ABCD3: variants seen among roughly 807,000 people sequenced by gnomAD.
ABCD3 encodes the protein ATP binding cassette subfamily D member 3, also known as ATP-binding cassette sub-family D member 3.
ABCD3 carries 41 observed loss-of-function variants against 105.5 expected under a neutral mutation model. That is an observed-to-expected ratio of 0.39 (90% CI 0.30 to 0.50). The LOEUF (loss-of-function observed/expected upper bound fraction) is 0.50. Ranked by LOEUF, ABCD3 falls within the 20% of genes least tolerant of loss-of-function variation. ABCD3 has a pLI of 0.84. For missense variants in ABCD3, 622 were observed against 806.3 expected (o/e 0.77, Z 2.77); for synonymous variants, 258 against 269.0 (o/e 0.96, Z 0.40).
At chr1:94,470,993 T>G (rs1439566746) in intron 4 of ABCD3, among the ~76,000 whole-genome samples, 1 of 152,156 alleles carries the variant, frequency 6.6e-6, no homozygotes, top group Non-Finnish European at 1.5e-5. Context: ...GAGGCCTTCC[T>G]CAAGCATTCT....
intron 1 of ABCD3, among the ~76,000 whole-genome samples, chr1:94,450,528 G>C (rs1419152636): frequency 6.6e-6 from 1 of 152,232 alleles, no homozygotes; most frequent in East Asian, 1.9e-4. Flanking sequence ...GTGCCTTAAG[G>C]ACATGTTCCT....
At chr1:94,480,677 C>T (rs1488342330) in intron 9 of ABCD3, 71 bp downstream of exon 9, 1 of 1,535,038 alleles carries the variant, frequency 6.5e-7, no homozygotes, top group African/African-American at 1.4e-5. Flanking sequence ...TAAATTGACT[C>T]CAAAAAGTCT....
chr1:94,503,389 C>G (rs1048922136), intron 20 of ABCD3, among the ~76,000 whole-genome samples: 29 of 152,272 alleles, frequency 1.9e-4, no homozygotes, highest in Middle Eastern at 3.4e-3. Flanking sequence ...CTCCCTACTT[C>G]CGCTGTCTTG....
intron 21 of ABCD3, among the ~76,000 whole-genome samples, chr1:94,509,833 T>C (rs1650572941): frequency 6.6e-6 from 1 of 152,150 alleles, no homozygotes; most frequent in Non-Finnish European, 1.5e-5. Flanking sequence ...TCGGTGGTGA[T>C]AATCCCCTTT....
Position 94,496,694 on chromosome 1 carries a change from GTTTTTTTTTTTTTTTT to G in ABCD3, c.1387-1894_1387-1879del, listed in dbSNP as rs71094302. The stretch of plus-strand genomic sequence containing the variant: ...CTTCAGTAAAATCAGCCTTGTTTCT[GTTTTTTTTTTTTTTTT>G]TTTTTTTTTTTTTGAATAGGATAGC... On this transcript the variant is annotated intron_variant, in intron 16 of 22. Transcript: ENST00000370214. 3.4e-3 allele frequency among the ~76,000 whole-genome samples: 133 copies of G among 39,378 alleles called. 2 individuals carry two copies. The highest frequency in any genetic ancestry group is 4.8e-3 in the Non-Finnish European group (117 of 24,248). The allele number at this position is 39,378 out of a possible 152,430, so 25.8% of individuals were successfully genotyped here.
chr1:94,395,835 G>A, the ABCD3 span, among the ~76,000 whole-genome samples: 341 of 151,822 alleles, frequency 2.2e-3, 2 homozygotes, highest in Non-Finnish European at 3.3e-3. Context: ...GTGTGCACGC[G>A]TGTGAGAGAG....
upstream of ABCD3, among the ~76,000 whole-genome samples, chr1:94,413,501 T>C (rs1658951691): frequency 1.3e-5 from 2 of 152,070 alleles, no homozygotes; most frequent in Admixed American, 6.5e-5. Flanking sequence ...CATCAGAAAG[T>C]CTAGTAGTGG....
At chr1:94,417,241 C>G (rs769199058), upstream of ABCD3, among the ~76,000 whole-genome samples, 3 of 152,194 alleles carry the variant, frequency 2.0e-5, no homozygotes, top group Admixed American at 6.5e-5. Context: ...CACCTCTATA[C>G]GCATGCCATT....
Position 94,483,209 on chromosome 1 carries a change from GCAGA to G in ABCD3, c.871_874del (p.Thr291SerfsTer40). 6.2e-7 allele frequency: 1 copy of G among 1,613,266 alleles called. No homozygotes were observed. Among genetic ancestry groups the G allele is most frequent in the Non-Finnish European group, 8.5e-7 (1 of 1,179,326 alleles). On this transcript the variant is annotated frameshift_variant, in exon 10 of 23. Coordinates refer to ENST00000370214, the MANE Select transcript of ABCD3 (RefSeq NM_002858.4). LOFTEE classifies it high-confidence loss of function. ...TTTACAATGGGAATAAAAGAGAAAA[GCAGA>G]CAGTCCACTCAGTCTTCCGAAAACT... is the stretch of plus-strand genomic sequence containing the variant.
chr1:94,416,725 T>C (rs1659032564), upstream of ABCD3, among the ~76,000 whole-genome samples: 1 of 152,198 alleles, frequency 6.6e-6, no homozygotes, highest in Admixed American at 6.5e-5. Context: ...AAACATATTT[T>C]GCTAGTTTTC....
chr1:94,396,823 C>T, the ABCD3 span, among the ~76,000 whole-genome samples: 5 of 151,994 alleles, frequency 3.3e-5, no homozygotes, highest in South Asian at 2.1e-4. Context: ...GCATGATCTC[C>T]GGAGGGTTAT....
chr1:94,443,905 T>C (rs975847407), intron 1 of ABCD3, among the ~76,000 whole-genome samples: 1 of 152,184 alleles, frequency 6.6e-6, no homozygotes, highest in East Asian at 1.9e-4. Flanking sequence ...CTAATATTGG[T>C]TATATTGCCG....
At chr1:94,510,304 G>A (rs1261720142) in intron 21 of ABCD3, among the ~76,000 whole-genome samples, 1 of 152,246 alleles carries the variant, frequency 6.6e-6, no homozygotes, top group African/African-American at 2.4e-5. Flanking sequence ...GTGGTTTTGA[G>A]TGAGTTTCTT....
the ABCD3 span, among the ~76,000 whole-genome samples, chr1:94,404,882 TG>T: frequency 1.3e-5 from 2 of 148,786 alleles, no homozygotes; most frequent in South Asian, 4.2e-4. Context: ...GAGGTTGCAA[TG>T]AGCTGATATT....
intron 1 of ABCD3, among the ~76,000 whole-genome samples, chr1:94,458,118 C>G (rs962985057): frequency 2.0e-5 from 3 of 152,176 alleles, no homozygotes; most frequent in Non-Finnish European, 2.9e-5. Flanking sequence ...CCACTTTCCT[C>G]ATTTGTAATA....
At chr1:94,464,479 A>G (rs1648037258) in intron 2 of ABCD3, among the ~76,000 whole-genome samples, 1 of 151,954 alleles carries the variant, frequency 6.6e-6, no homozygotes, top group Non-Finnish European at 1.5e-5. Flanking sequence ...TTCCTCAAGC[A>G]CGTTGCAGGT....
intron 2 of ABCD3, among the ~76,000 whole-genome samples, chr1:94,460,752 T>A (rs1331502940): frequency 6.6e-6 from 1 of 152,124 alleles, no homozygotes; most frequent in Non-Finnish European, 1.5e-5. Flanking sequence ...ATCAAGATTG[T>A]TGTTCTTTAG....
intron 8 of ABCD3, chr1:94,478,524 G>A: frequency 6.3e-7 from 1 of 1,588,344 alleles, no homozygotes; most frequent in Non-Finnish European, 8.6e-7. Context: ...CTTAAATTAG[G>A]TACTTGGAAA....
chr1:94,502,356 G>A (rs1650137168), intron 20 of ABCD3, among the ~76,000 whole-genome samples: 1 of 152,276 alleles, frequency 6.6e-6, no homozygotes, highest in South Asian at 2.1e-4. Flanking sequence ...AAGAAAGATA[G>A]GCTATTATTT....
Sources: allele counts gnomAD v4.1 joint callset (sites outside exome capture counted in the v4.1 genomes callset), GRCh38; gene constraint gnomAD v4.1.1; transcripts MANE v1.5; gene names NCBI Gene and HGNC (gene_info 2026-07-23, HGNC 2026-07-21).